TCF7L2: variants seen among roughly 807,000 people sequenced by gnomAD.
TCF7L2 encodes the protein transcription factor 7-like 2.
In TCF7L2, 23 loss-of-function variants were observed where a neutral mutation model predicts 77.9. That is an observed-to-expected ratio of 0.30 (90% CI 0.21 to 0.42). TCF7L2 has a LOEUF of 0.42. TCF7L2 is among the 10% of genes least tolerant of loss of function. TCF7L2 has a pLI of 1.00. For missense variants in TCF7L2, 654 were observed against 793.1 expected (o/e 0.82, Z 2.11); for synonymous variants, 413 against 340.2 (o/e 1.21, Z -2.36).
At chr10:113,085,616 A>G (rs1455533002) in intron 5 of TCF7L2, among the ~76,000 whole-genome samples, 1 of 152,180 alleles carries the variant, frequency 6.6e-6, no homozygotes, top group Non-Finnish European at 1.5e-5. Context: ...ATACACAAAT[A>G]TTACTACGAC....
Position 112,961,263 on chromosome 10 carries a change from C to T in TCF7L2, c.382-3293C>T, listed in dbSNP as rs187842156. On this transcript the variant is annotated intron_variant, in intron 3 of 13. Transcript: ENST00000627217. ...CTCCCGACCTCAGGTGACCCCCCCC[C>T]CCCCAACCTCGGCCTTCCAAAGCGC... Among the ~76,000 whole-genome samples, 7 of 121,228 alleles carry T rather than the reference C, an allele frequency of 5.8e-5. 1 individual carries two copies. The highest frequency in any genetic ancestry group is 1.1e-4 in the Non-Finnish European group (6 of 54,860). 79.5% of individuals were successfully genotyped at this position (121,228 alleles called of 152,430 possible).
intron 4 of TCF7L2, among the ~76,000 whole-genome samples, chr10:112,978,469 ATT>A (rs546493150): frequency 2.8e-5 from 4 of 141,514 alleles, no homozygotes; most frequent in African/African-American, 2.6e-5. Context: ...GAATTTTGTG[ATT>A]TTTTTTTTTT....
chr10:113,070,876 T>G (rs905749325), intron 5 of TCF7L2, among the ~76,000 whole-genome samples: 2 of 152,116 alleles, frequency 1.3e-5, no homozygotes, highest in South Asian at 2.1e-4. Flanking sequence ...ATCGTCACAG[T>G]CAATTTTAGA....
intron 4 of TCF7L2, among the ~76,000 whole-genome samples, chr10:112,968,289 CAA>C (rs2037453879): frequency 2.6e-5 from 4 of 152,118 alleles, no homozygotes; most frequent in Admixed American, 6.5e-5. Context: ...ACAGCAAGAC[CAA>C]CCCCTTCTCT....
chr10:112,972,898 G>A (rs931877574), intron 4 of TCF7L2, among the ~76,000 whole-genome samples: 1 of 152,166 alleles, frequency 6.6e-6, no homozygotes, highest in Non-Finnish European at 1.5e-5. Flanking sequence ...TTTTGCCCAA[G>A]GCCAATTAGG....
intron 5 of TCF7L2, among the ~76,000 whole-genome samples, chr10:113,089,992 C>G (rs189337683): frequency 6.6e-6 from 1 of 152,288 alleles, no homozygotes. Flanking sequence ...ATTCAGGGTG[C>G]TGGAAAATGC....
intron 13 of TCF7L2, chr10:113,161,405 G>A: frequency 1.5e-6 from 1 of 659,808 alleles, no homozygotes. Flanking sequence ...GCCCAGAAGT[G>A]TCCAAATTAA....
At chr10:113,105,502 G>A (rs988742820) in intron 5 of TCF7L2, among the ~76,000 whole-genome samples, 4 of 152,110 alleles carry the variant, frequency 2.6e-5, no homozygotes, top group Non-Finnish European at 1.5e-5. Flanking sequence ...GTCCACTTTC[G>A]AAGTTCTGGG....
At chr10:113,103,096 T>G (rs1000660678) in intron 5 of TCF7L2, among the ~76,000 whole-genome samples, 6 of 152,206 alleles carry the variant, frequency 3.9e-5, no homozygotes, top group Admixed American at 1.3e-4. Context: ...TTTTTTCTTT[T>G]TAATAATTTG....
At chr10:113,054,195 G>C (rs888250009) in intron 5 of TCF7L2, among the ~76,000 whole-genome samples, 2 of 152,246 alleles carry the variant, frequency 1.3e-5, no homozygotes, top group Non-Finnish European at 2.9e-5. Context: ...GCATCACAAT[G>C]AGCCTTCTAT....
intron 5 of TCF7L2, among the ~76,000 whole-genome samples, chr10:113,075,907 G>T (rs948411968): frequency 6.6e-6 from 1 of 151,872 alleles, no homozygotes; most frequent in African/African-American, 2.4e-5. Context: ...AGGCTGAGGC[G>T]AGTTGATCAC....
chr10:113,006,871 C>A (rs149974432), intron 4 of TCF7L2, among the ~76,000 whole-genome samples: 2 of 152,220 alleles, frequency 1.3e-5, no homozygotes, highest in African/African-American at 4.8e-5. Flanking sequence ...CCTCCGGCCA[C>A]GCTGGCACTT....
At position 113,165,533 on chromosome 10, in the gene TCF7L2, T is replaced by C. The variant is rs112016311; in HGVS notation, c.1392-22T>C. Reference sequence around the variant, plus strand: ...GGCATCTGTGCCCTCTATTCACAGATAACTCTCTCCCCTGTTTCTAGGAGA... The same window carrying C: ...GGCATCTGTGCCCTCTATTCACAGACAACTCTCTCCCCTGTTTCTAGGAGA... On this transcript the variant is annotated intron_variant, in intron 13 of 13. Transcript: ENST00000627217. The C allele has an allele frequency of 9.3e-6, 15 of 1,612,386 alleles. No individual in the cohort carries two copies. In the African/African-American group the frequency reaches 1.1e-4, roughly 11 times the overall value.
At chr10:113,055,631 T>G (rs114010114) in intron 5 of TCF7L2, among the ~76,000 whole-genome samples, 329 of 152,328 alleles carry the variant, frequency 2.2e-3, no homozygotes, top group African/African-American at 7.6e-3. Flanking sequence ...GCAGTGGCTA[T>G]TCACAGGAAA....
chr10:113,152,519 G>A (rs1260260602), intron 11 of TCF7L2, 79 bp downstream of exon 11: 6 of 1,227,124 alleles, frequency 4.9e-6, no homozygotes, highest in Non-Finnish European at 7.0e-6. Flanking sequence ...AACAGGACCT[G>A]CCACTTGACT....
chr10:113,036,381 A>G (rs1408219783), intron 4 of TCF7L2, among the ~76,000 whole-genome samples: 1 of 152,024 alleles, frequency 6.6e-6, no homozygotes, highest in East Asian at 1.9e-4. Context: ...GCCTCTCCTC[A>G]TTTGCCTTTT....
intron 5 of TCF7L2, among the ~76,000 whole-genome samples, chr10:113,103,950 C>T (rs2061963785): frequency 6.6e-6 from 1 of 152,200 alleles, no homozygotes; most frequent in Non-Finnish European, 1.5e-5. Context: ...GGTTTCTTAG[C>T]ACTGTGCTCT....
chr10:113,107,736 C>T (rs1476972385), intron 5 of TCF7L2, among the ~76,000 whole-genome samples: 11 of 119,348 alleles, frequency 9.2e-5, no homozygotes, highest in African/African-American at 3.5e-4. Context: ...CCTGGGCGAC[C>T]GAGCGAGACT....
chr10:112,965,105 T>C (rs2036431935), intron 4 of TCF7L2, among the ~76,000 whole-genome samples: 1 of 151,994 alleles, frequency 6.6e-6, no homozygotes, highest in Non-Finnish European at 1.5e-5. Context: ...TTCTGGTGGA[T>C]CAAAATCATG....
Sources: gnomAD v4.1 joint callset for allele counts (sites outside exome capture counted in the v4.1 genomes callset) on GRCh38, gnomAD v4.1.1 for gene constraint, MANE v1.5 for transcripts, NCBI Gene and HGNC (gene_info 2026-07-23, HGNC 2026-07-21) for gene names.